The following CFAP47 variants were observed in gnomAD, a reference collection of about 807,000 sequenced individuals.
CFAP47 encodes the protein cilia- and flagella-associated protein 47.
A neutral mutation model predicts 148.1 loss-of-function variants in CFAP47; 29 were observed. That is an observed-to-expected ratio of 0.20 (90% CI 0.15 to 0.27). The LOEUF is 0.27. Ranked by LOEUF, CFAP47 falls within the 10% of genes least tolerant of loss-of-function variation. The pLI is 1.00. For synonymous variants in CFAP47, 664 were observed against 577.3 expected, an observed-to-expected ratio of 1.15 and a Z score of -2.15; for missense variants, 1,872 against 1,697.5, an observed-to-expected ratio of 1.10 and a Z score of -1.81.
chrX:36,074,126 G>T (rs1044574433), intron 29 of CFAP47, among the ~76,000 whole-genome samples: 4 of 111,721 alleles, frequency 3.6e-5, no homozygotes, highest in Non-Finnish European at 7.5e-5. Context: ...TAATTAATAG[G>T]ACAAACCTAG....
At chrX:36,359,337 A>G (rs1405109153) in intron 60 of CFAP47, among the ~76,000 whole-genome samples, 1 of 111,640 alleles carries the variant, frequency 9.0e-6, no homozygotes, top group Non-Finnish European at 1.9e-5. Flanking sequence ...CATGATAACT[A>G]TTTTATATCA....
At chrX:36,133,088 G>C (rs189860849) in intron 33 of CFAP47, among the ~76,000 whole-genome samples, 1 of 111,513 alleles carries the variant, frequency 9.0e-6, no homozygotes, top group East Asian at 2.9e-4. Context: ...GAATAGTTGA[G>C]TTAGGGTGAT....
At chrX:36,289,204 C>T (rs1418797910) in intron 51 of CFAP47, among the ~76,000 whole-genome samples, 8 of 109,110 alleles carry the variant, frequency 7.3e-5, no homozygotes, top group Non-Finnish European at 1.3e-4. Flanking sequence ...TTCTCCATGT[C>T]GGTCAGGCTG....
chrX:36,072,695 A>G (rs1416533129), intron 28 of CFAP47, among the ~76,000 whole-genome samples: 1 of 111,850 alleles, frequency 8.9e-6, no homozygotes, highest in African/African-American at 3.2e-5. Flanking sequence ...TAACTTGAAA[A>G]TGCTTTGTTT....
intron 27 of CFAP47, among the ~76,000 whole-genome samples, chrX:36,067,172 C>T (rs150946471): frequency 0.016 from 1,793 of 111,114 alleles, 42 homozygotes; most frequent in African/African-American, 0.056. Context: ...GGAGTTCTGA[C>T]CCCTCTCTTC....
At chrX:36,210,922 A>G (rs782761681) in intron 45 of CFAP47, among the ~76,000 whole-genome samples, 113 of 112,326 alleles carry the variant, frequency 1.0e-3, no homozygotes, top group African/African-American at 3.5e-3. Context: ...GTGGCTACCA[A>G]GTCGTCTTAG....
At chrX:36,017,140 G>A (rs1270972020) in intron 22 of CFAP47, among the ~76,000 whole-genome samples, 1 of 111,201 alleles carries the variant, frequency 9.0e-6, no homozygotes, top group African/African-American at 3.3e-5. Context: ...CCACTGCTGG[G>A]CATATACCGA....
intron 62 of CFAP47, among the ~76,000 whole-genome samples, chrX:36,373,297 A>G (rs782349355): frequency 9.0e-5 from 10 of 111,625 alleles, no homozygotes; most frequent in Non-Finnish European, 1.9e-4. Flanking sequence ...TTAATGCTAT[A>G]TAAATTGGAT....
At chrX:36,230,132 G>A (rs1403010458) in intron 46 of CFAP47, among the ~76,000 whole-genome samples, 3 of 101,321 alleles carry the variant, frequency 3.0e-5, no homozygotes, top group Non-Finnish European at 6.0e-5. Context: ...ACCCAGTAAT[G>A]GGATGGCTGG....
At chrX:36,125,270 G>A (rs192689842) in intron 33 of CFAP47, among the ~76,000 whole-genome samples, 92 of 111,487 alleles carry the variant, frequency 8.3e-4, no homozygotes, top group African/African-American at 2.6e-3. Context: ...CTAGGGATTA[G>A]AGATGTAGTA....
At chrX:35,935,570 C>CTTTTTTTTTTTTTTTTTTTTTTTTTTTT (rs200513683) in intron 2 of CFAP47, among the ~76,000 whole-genome samples, 1 of 89,450 alleles carries the variant, frequency 1.1e-5, no homozygotes. Context: ...TACGAAGTTG[C>CTTTTTTTTTTTTTTTTTTTTTTTTTTTT]TTTTTTTTTT....
At chrX:35,972,017 A>T (rs958861002) in intron 13 of CFAP47, 52 bp downstream of exon 13, 70 of 787,718 alleles carry the variant, frequency 8.9e-5, no homozygotes, top group Non-Finnish European at 1.3e-4. Flanking sequence ...TAAAAAAAAG[A>T]TTTCTTAAAG....
intron 2 of CFAP47, among the ~76,000 whole-genome samples, chrX:35,939,494 T>A (rs1211883672): frequency 1.1e-5 from 1 of 90,605 alleles, no homozygotes; most frequent in African/African-American, 4.1e-5. Flanking sequence ...CCTTCCTGTG[T>A]CCATGTGTTC....
chrX:36,144,669 G>A, intron 35 of CFAP47: 1 of 1,027,711 alleles, frequency 9.7e-7, no homozygotes, highest in South Asian at 1.8e-5. Context: ...TGTGGCAGTG[G>A]CCAGAACAAA....
chrX:35,962,613 G>A (rs1405762694), intron 8 of CFAP47, among the ~76,000 whole-genome samples: 4 of 110,421 alleles, frequency 3.6e-5, no homozygotes, highest in Admixed American at 1.9e-4. Flanking sequence ...ATTAGTATGG[G>A]CACCCTGCTC....
At chrX:35,955,072 C>A (rs1936224002) in intron 7 of CFAP47, among the ~76,000 whole-genome samples, 1 of 112,027 alleles carries the variant, frequency 8.9e-6, no homozygotes, top group Admixed American at 9.5e-5. Context: ...ATATCACACA[C>A]CTTTTATTCT....
At chrX:36,235,391 C>A (rs190071769) in intron 46 of CFAP47, among the ~76,000 whole-genome samples, 2 of 112,198 alleles carry the variant, frequency 1.8e-5, no homozygotes, top group Non-Finnish European at 3.8e-5. Flanking sequence ...TAGCAATCAG[C>A]GAGACTCCGT....
At position 36,084,589 on chromosome X, in the gene CFAP47, C is replaced by G. The variant is rs748612519; in HGVS notation, c.4692-725C>G. On this transcript the variant is annotated intron_variant, in intron 29 of 63. Transcript: ENST00000378653. ...CTAAGCAAGTGATACATCTGTGACT[C>G]TCATTGCTAACAGTTAGACAATGTG... Among the ~76,000 whole-genome samples, 5 of 111,693 alleles carry G rather than the reference C, an allele frequency of 4.5e-5. No individual in the cohort carries two copies. In the East Asian group the frequency reaches 1.1e-3, roughly 25 times the overall value.
chrX:36,266,235 C>A (rs1940890130), intron 49 of CFAP47, among the ~76,000 whole-genome samples: 1 of 110,443 alleles, frequency 9.1e-6, no homozygotes, highest in East Asian at 2.9e-4. Context: ...ACAGGCTCTT[C>A]AGCAGGGGTG....
Sources: gnomAD v4.1 joint callset for allele counts (sites outside exome capture counted in the v4.1 genomes callset) on GRCh38, gnomAD v4.1.1 for gene constraint, MANE v1.5 for transcripts, NCBI Gene and HGNC (gene_info 2026-07-23, HGNC 2026-07-21) for gene names.